The following MARCHF5 variants were observed in gnomAD, a reference collection of about 807,000 sequenced individuals.
The protein encoded by MARCHF5 is E3 ubiquitin-protein ligase MARCHF5.
Under a neutral mutation model 36.5 loss-of-function variants are expected in MARCHF5, and 5 were observed. The observed-to-expected ratio is 0.14, with a 90% CI of 0.07 to 0.29. The LOEUF (loss-of-function observed/expected upper bound fraction) is 0.29. Ranked by LOEUF, MARCHF5 falls within the 10% of genes least tolerant of loss-of-function variation. The probability of loss-of-function intolerance (pLI) is 1.00; values close to 1 mark genes in which losing one functional copy is unlikely to be tolerated. For synonymous variants in MARCHF5, 103 were observed against 109.9 expected (o/e 0.94, Z 0.39); for missense variants, 179 against 336.3 (o/e 0.53, Z 3.66).
chr10:92,340,990 CA>C (rs1843571598), intron 3 of MARCHF5, among the ~76,000 whole-genome samples, 187 bp downstream of exon 3: 1 of 151,972 alleles, frequency 6.6e-6, no homozygotes, highest in Non-Finnish European at 1.5e-5. Context: ...TCCCTTTTTT[CA>C]TAGTGAATCT....
intron 2 of MARCHF5, among the ~76,000 whole-genome samples, chr10:92,313,245 GAA>G (rs936542048): frequency 1.3e-5 from 2 of 151,702 alleles, no homozygotes; most frequent in Non-Finnish European, 2.9e-5. Flanking sequence ...AAAGAAAAAA[GAA>G]AAGAGTAAAA....
chr10:92,349,247 A>C (rs544631442), intron 3 of MARCHF5, 102 bp from the exon 4 acceptor site: 3 of 844,388 alleles, frequency 3.6e-6, no homozygotes, highest in African/African-American at 3.4e-5. Flanking sequence ...ATTTCTGTGT[A>C]TTCTTTTGAA....
chr10:92,310,552 TA>T lies in MARCHF5; in HGVS notation c.36-572del, dbSNP rs879686808. ...GCCCAAATTTATCATATTGCTATTC[TA>T]AAAAAAAAAATCTTGATATATTTAT... On this transcript the variant is annotated intron_variant, in intron 1 of 5. Coordinates refer to ENST00000358935, the MANE Select transcript of MARCHF5 (RefSeq NM_017824.5). 9.8e-3 allele frequency among the ~76,000 whole-genome samples: 1,445 copies of T among 147,454 alleles called. 13 individuals carry two copies. The highest frequency in any genetic ancestry group is 0.033 in the African/African-American group (1,335 of 40,538).
At chr10:92,298,153 G>A (rs1035179445) in intron 1 of MARCHF5, among the ~76,000 whole-genome samples, 23 of 149,134 alleles carry the variant, frequency 1.5e-4, no homozygotes, top group Admixed American at 1.5e-3. Flanking sequence ...AGCTGAGATC[G>A]TGCCACTGCA....
intron 1 of MARCHF5, among the ~76,000 whole-genome samples, chr10:92,299,927 T>C (rs573702115): frequency 1.2e-3 from 183 of 152,128 alleles, no homozygotes; most frequent in Middle Eastern, 0.01. Flanking sequence ...TTTGGGAGGC[T>C]GAGGCAGGAG....
chr10:92,291,973 C>G (rs1184269904), intron 1 of MARCHF5, among the ~76,000 whole-genome samples: 1 of 152,088 alleles, frequency 6.6e-6, no homozygotes, highest in Non-Finnish European at 1.5e-5. Context: ...TTTGGAAAGC[C>G]TGATAGGCTG....
chr10:92,320,361 G>A (rs1843276244), intron 2 of MARCHF5, among the ~76,000 whole-genome samples: 1 of 151,992 alleles, frequency 6.6e-6, no homozygotes, highest in Non-Finnish European at 1.5e-5. Context: ...CCAACCACTT[G>A]TTATCATTAT....
chr10:92,349,970 A>ATCAT, intron 5 of MARCHF5, 133 bp downstream of exon 5: 2 of 667,912 alleles, frequency 3.0e-6, no homozygotes, highest in Non-Finnish European at 5.0e-6. Context: ...GAGCCTCACT[A>ATCAT]TCATTCAATA....
chr10:92,310,192 C>T (rs1564945000), intron 1 of MARCHF5, among the ~76,000 whole-genome samples: 2 of 152,172 alleles, frequency 1.3e-5, no homozygotes, highest in South Asian at 2.1e-4. Flanking sequence ...ACAGAAGCCA[C>T]TTATCCAATT....
At chr10:92,332,429 TAG>T (rs1843446626) in intron 2 of MARCHF5, among the ~76,000 whole-genome samples, 1 of 151,614 alleles carries the variant, frequency 6.6e-6, no homozygotes. Context: ...CTCTTGGACC[TAG>T]CCTCCAAAGT....
chr10:92,327,088 C>T (rs1194750023), intron 2 of MARCHF5, among the ~76,000 whole-genome samples: 2 of 152,072 alleles, frequency 1.3e-5, no homozygotes, highest in African/African-American at 4.8e-5. Context: ...GTTAAAGGAA[C>T]ATCAAGGGAG....
chr10:92,296,398 A>G (rs1398145886), intron 1 of MARCHF5, among the ~76,000 whole-genome samples: 2 of 152,122 alleles, frequency 1.3e-5, no homozygotes, highest in Admixed American at 6.6e-5. Context: ...TTTGAACCTT[A>G]GTTAGCTCTT....
At chr10:92,318,923 T>G (rs1453778824) in intron 2 of MARCHF5, among the ~76,000 whole-genome samples, 25 of 152,072 alleles carry the variant, frequency 1.6e-4, no homozygotes. Context: ...GCCAGGCTGG[T>G]CTCAAACTCC....
intron 1 of MARCHF5, among the ~76,000 whole-genome samples, chr10:92,294,005 A>G (rs1380920867): frequency 1.3e-5 from 2 of 152,166 alleles, no homozygotes; most frequent in Non-Finnish European, 2.9e-5. Flanking sequence ...TGTTAGAATT[A>G]CCTGGGGAGC....
chr10:92,306,121 A>G (rs775885293), intron 1 of MARCHF5, among the ~76,000 whole-genome samples: 1 of 152,220 alleles, frequency 6.6e-6, no homozygotes. Flanking sequence ...GGCACAGCAC[A>G]TCTTGATCCA....
intron 1 of MARCHF5, among the ~76,000 whole-genome samples, chr10:92,295,876 G>A (rs961651080): frequency 6.6e-6 from 1 of 150,810 alleles, no homozygotes; most frequent in Non-Finnish European, 1.5e-5. Flanking sequence ...TATATATATG[G>A]AATTTTTTTT....
At chr10:92,335,886 T>G (rs141818353) in intron 2 of MARCHF5, among the ~76,000 whole-genome samples, 2 of 152,340 alleles carry the variant, frequency 1.3e-5, no homozygotes, top group African/African-American at 4.8e-5. Flanking sequence ...TATTTGAATT[T>G]TGTTTTAAGG....
intron 5 of MARCHF5, 200 bp downstream of exon 5, chr10:92,350,037 C>G (rs536410548): frequency 1.8e-5 from 10 of 543,920 alleles, no homozygotes; most frequent in Non-Finnish European, 3.2e-5. Context: ...CCTTTTGGAA[C>G]TATGTTGTAG....
intron 3 of MARCHF5, among the ~76,000 whole-genome samples, chr10:92,344,187 C>T (rs1843613504): frequency 6.6e-6 from 1 of 151,982 alleles, no homozygotes; most frequent in African/African-American, 2.4e-5. Context: ...AACTCTGATC[C>T]CCAGCATCAA....
Sources: gnomAD v4.1 joint callset for allele counts (sites outside exome capture counted in the v4.1 genomes callset) on GRCh38, gnomAD v4.1.1 for gene constraint, MANE v1.5 for transcripts, NCBI Gene and HGNC (gene_info 2026-07-23, HGNC 2026-07-21) for gene names.